Variants in KRT73 observed in about 807,000 individuals in gnomAD.
The protein encoded by KRT73 is keratin 73, also known as keratin, type II cytoskeletal 73.
In KRT73, 44 loss-of-function variants were observed where a neutral mutation model predicts 47.2. The observed-to-expected ratio is 0.93, with a 90% CI of 0.73 to 1.20. The LOEUF (loss-of-function observed/expected upper bound fraction) is 1.20, where lower values mean the gene tolerates loss of function less well. KRT73 is among the 50% of genes most tolerant of loss of function. The pLI, the probability that KRT73 is intolerant of heterozygous loss-of-function variation, is 0.00. For missense variants in KRT73, 713 were observed against 704.5 expected, an observed-to-expected ratio of 1.01 and a Z score of -0.14; for synonymous variants, 285 against 291.3, an observed-to-expected ratio of 0.98 and a Z score of 0.22.
At chr12:52,609,750 T>A (rs1940655507) in intron 7 of KRT73, 1 of 164,820 alleles carries the variant, frequency 6.1e-6, no homozygotes, top group Non-Finnish European at 1.3e-5. Flanking sequence ...CCCTTCTGAC[T>A]GTTGCTAGGA....
chr12:52,629,267 T>G, the KRT73 span, among the ~76,000 whole-genome samples: 18 of 152,094 alleles, frequency 1.2e-4, no homozygotes, highest in African/African-American at 4.1e-4. Context: ...TCCCTGAATA[T>G]CCATCTCACA....
Position 52,608,471 on chromosome 12 carries a change from C to G in KRT73, c.1367-19G>C, listed in dbSNP as rs201564121. On this transcript the variant is annotated intron_variant, in intron 8 of 8. Transcript: ENST00000305748. ...ATGACCGCTGCAGAGGAGGGAGGGA[C>G]GAGTGATCAGTGTATATCCCAGGAC... 2.2e-5 allele frequency: 35 copies of G among 1,595,612 alleles called. No individual in the cohort carries two copies. Among genetic ancestry groups the G allele is most frequent in the Non-Finnish European group, 2.9e-5 (34 of 1,173,738 alleles).
At chr12:52,611,353 A>G (rs1224703540) in intron 5 of KRT73, 24 bp from the exon 6 acceptor site, 1 of 1,613,754 alleles carries the variant, frequency 6.2e-7, no homozygotes, top group African/African-American at 1.3e-5. Flanking sequence ...AACCAAAGCA[A>G]GAACACTGAC....
chr12:52,607,873 G>A lies in KRT73; in HGVS notation c.*323C>T, dbSNP rs372953170. ...GACAGGGTATGAAAGAGCAGCACAG[G>A]CAGATTGGGGTTACCCTTGAGAGAC... On this transcript the variant is annotated 3_prime_UTR_variant, in exon 9 of 9. Coordinates refer to ENST00000305748, the MANE Select transcript of KRT73 (RefSeq NM_175068.3). 3.9e-6 allele frequency: 1 copy of A among 254,912 alleles called. No homozygotes were observed. Among genetic ancestry groups the A allele is most frequent in the Non-Finnish European group, 7.4e-6 (1 of 135,348 alleles). 15.8% of individuals were successfully genotyped at this position (254,912 alleles called of 1,614,324 possible).
At chr12:52,620,109 CTTTTTTTTTTTTT>C (rs10638831), upstream of KRT73, among the ~76,000 whole-genome samples, 3 of 94,428 alleles carry the variant, frequency 3.2e-5, no homozygotes, top group African/African-American at 1.3e-4. Context: ...TCCTTTTTTT[CTTTTTTTTTTTTT>C]TTTTTTTTGA....
chr12:52,619,754 G>A (rs1227090307), upstream of KRT73, among the ~76,000 whole-genome samples: 1 of 152,122 alleles, frequency 6.6e-6, no homozygotes, highest in Non-Finnish European at 1.5e-5. Context: ...TGAATTTCAT[G>A]GATCCTTGAC....
chr12:52,613,918 CCT>C, intron 4 of KRT73, 66 bp from the exon 5 acceptor site: 2 of 1,579,042 alleles, frequency 1.3e-6, no homozygotes, highest in Non-Finnish European at 1.7e-6. Flanking sequence ...AGGTGATGGC[CCT>C]GTCCCAGAGG....
chr12:52,615,202 C>G, intron 3 of KRT73, 77 bp downstream of exon 3: 1 of 1,294,970 alleles, frequency 7.7e-7, no homozygotes, highest in Non-Finnish European at 1.1e-6. Context: ...GCGGGGGGCT[C>G]AGACCTCAGC....
upstream of KRT73, among the ~76,000 whole-genome samples, chr12:52,619,732 G>T (rs74742322): frequency 6.6e-6 from 1 of 152,154 alleles, no homozygotes; most frequent in Non-Finnish European, 1.5e-5. Context: ...TGGGGAGGTA[G>T]GGGAAGACAT....
At chr12:52,617,306 G>A (rs1940834051) in intron 1 of KRT73, among the ~76,000 whole-genome samples, 1 of 152,164 alleles carries the variant, frequency 6.6e-6, no homozygotes, top group African/African-American at 2.4e-5. Flanking sequence ...TTGTTCCTCA[G>A]TGATTCTCAA....
In KRT73 at chr12:52,608,184, T is replaced by C; in HGVS notation, c.*12A>G. The C allele has an allele frequency of 6.2e-7, 1 of 1,603,296 alleles. No homozygotes were observed. ...CAAGGCAGACTACTGGGAAATGGGC[T>C]GTGTTGCACTTTTATCTCATGGTTT... On this transcript the variant is annotated 3_prime_UTR_variant, in exon 9 of 9. Transcript: ENST00000305748.
chr12:52,618,456 C>T lies in KRT73; in HGVS notation c.69G>A (p.Val23=), dbSNP rs1022124460. The T allele has an allele frequency of 3.1e-6, 5 of 1,613,738 alleles. No homozygotes were observed. Among genetic ancestry groups the T allele is most frequent in the Non-Finnish European group, 4.2e-6 (5 of 1,179,868 alleles). ...AKGGFSGCSA[V]LSGGSSSSYR... ...AGGAGGATGAGCTGCCCCCTGAGAG[C>T]ACAGCGGAGCAGCCGCTGAAGCCCC... The change falls in exon 1 of 9, where the codon GTG becomes GTA. Residue 23 remains valine (V), a synonymous_variant. Coordinates refer to ENST00000305748, the MANE Select transcript of KRT73 (RefSeq NM_175068.3).
intron 8 of KRT73, 44 bp from the exon 9 acceptor site, chr12:52,608,496 C>G (rs1940632194): frequency 6.6e-7 from 1 of 1,519,110 alleles, no homozygotes; most frequent in African/African-American, 1.4e-5. Context: ...TATCCCAGGA[C>G]AGAGGTGGCC....
Position 52,618,235 on chromosome 12 carries a change from G to T in KRT73, c.290C>A (p.Ser97Ter), listed in dbSNP as rs201416658. The T allele has an allele frequency of 6.2e-7, 1 of 1,614,046 alleles. No individual in the cohort carries two copies. ...ATGGATACCCCCGGGCGGGCACAAC[G>T]ACGGACACACGGACCCCAAGGCCAC... is the stretch of plus-strand genomic sequence containing the variant. ...GSVALGSVCP[S>*]LCPPGGIHQV... The change falls in exon 1 of 9, where the codon TCG becomes TAG. Residue 97 changes from serine to a stop codon, truncating the protein, a stop_gained. Coordinates refer to ENST00000305748, the MANE Select transcript of KRT73 (RefSeq NM_175068.3). LOFTEE classifies it high-confidence loss of function.
chr12:52,615,594 C>G (rs764552486), intron 2 of KRT73, among the ~76,000 whole-genome samples: 3 of 152,074 alleles, frequency 2.0e-5, no homozygotes, highest in Non-Finnish European at 2.9e-5. Context: ...TAGGTTCTTC[C>G]TCTTCCCACT....
At chr12:52,613,874 A>G in intron 4 of KRT73, 22 bp from the exon 5 acceptor site, 1 of 1,609,378 alleles carries the variant, frequency 6.2e-7, no homozygotes, top group Middle Eastern at 1.7e-4. Flanking sequence ...ACAAGGAAGC[A>G]TGAAATGCCT....
chr12:52,620,432 T>C (rs1317769120), upstream of KRT73, among the ~76,000 whole-genome samples: 1 of 152,152 alleles, frequency 6.6e-6, no homozygotes, highest in Non-Finnish European at 1.5e-5. Context: ...GTAAGTTTCT[T>C]TGTAAGGCAC....
At chr12:52,627,504 TACA>T in the KRT73 span, among the ~76,000 whole-genome samples, 2 of 152,068 alleles carry the variant, frequency 1.3e-5, no homozygotes, top group East Asian at 3.9e-4. Context: ...TGCCTTCCAA[TACA>T]ACACCTCTGG....
chr12:52,626,617 C>G, the KRT73 span, among the ~76,000 whole-genome samples: 1 of 152,096 alleles, frequency 6.6e-6, no homozygotes, highest in African/African-American at 2.4e-5. Flanking sequence ...CTTTGGGTGG[C>G]TGGCCATGTG....
Sources: allele counts gnomAD v4.1 joint callset (sites outside exome capture counted in the v4.1 genomes callset), GRCh38; gene constraint gnomAD v4.1.1; transcripts MANE v1.5; gene names NCBI Gene and HGNC (gene_info 2026-07-23, HGNC 2026-07-21).